EP400: variants seen among roughly 807,000 people sequenced by gnomAD.
EP400 encodes the protein E1A binding protein p400, also known as E1A-binding protein p400.
Under a neutral mutation model 354.1 loss-of-function variants are expected in EP400, and 105 were observed. The observed-to-expected ratio is 0.30, with a 90% CI of 0.25 to 0.35. EP400 has a LOEUF of 0.35. Among genes scored for constraint, EP400 ranks in the 10% least tolerant of loss-of-function variants. EP400 has a pLI of 1.00. For synonymous variants in EP400, 1,646 were observed against 1,716.9 expected (o/e 0.96, Z 1.02); for missense variants, 3,280 against 4,121.0 (o/e 0.80, Z 5.59).
At chr12:132,048,814 T>A (rs973657466) in intron 39 of EP400, among the ~76,000 whole-genome samples, 1 of 152,134 alleles carries the variant, frequency 6.6e-6, no homozygotes, top group African/African-American at 2.4e-5. Context: ...CCTCCCAAAG[T>A]GTTGGGATTA....
At chr12:131,954,441 T>C (rs574817391) in intron 1 of EP400, among the ~76,000 whole-genome samples, 1 of 151,462 alleles carries the variant, frequency 6.6e-6, no homozygotes, top group Non-Finnish European at 1.5e-5. Flanking sequence ...ATACAAAAAT[T>C]TGGCTGGGCG....
chr12:132,054,968 A>T lies in EP400; in HGVS notation c.7729-6A>T, dbSNP rs754657771. On this transcript the variant is annotated splice_region_variant and splice_polypyrimidine_tract_variant and intron_variant, in intron 43 of 52. Transcript: ENST00000389561. This position sits in a 1 kb window ranked among gnomAD's most constrained non-coding sequence, Gnocchi z 4.0. Reference sequence around the variant, plus strand: ...AAATTCAAATGGATTTTTTTTTTTTAAATAGGCAGGAACCATTAAAACATC... The same window carrying T: ...AAATTCAAATGGATTTTTTTTTTTTTAATAGGCAGGAACCATTAAAACATC... 4.1e-5 allele frequency: 65 copies of T among 1,601,636 alleles called. No individual in the cohort carries two copies. The East Asian group carries it at 1.1e-3, about 27-fold the overall frequency.
At chr12:131,991,289 A>G (rs1479217427) in intron 9 of EP400, 118 bp from the exon 10 acceptor site, 5 of 929,366 alleles carry the variant, frequency 5.4e-6, no homozygotes, top group Non-Finnish European at 8.8e-6. Flanking sequence ...GGCAGAACTC[A>G]CGCGTCCTTC....
At chr12:131,987,564 A>T in intron 6 of EP400, 141 bp from the exon 7 acceptor site, 1 of 666,226 alleles carries the variant, frequency 1.5e-6, no homozygotes, top group Non-Finnish European at 2.4e-6. Flanking sequence ...CTTTGATATT[A>T]AACTGGGACC....
rs1304238186 is a variant in EP400, at chr12:132,030,039, C to T, written c.5635C>T (p.Arg1879Cys). 8.1e-6 allele frequency: 13 copies of T among 1,614,178 alleles called. No homozygotes were observed. Among genetic ancestry groups the T allele is most frequent in the Admixed American group, 1.7e-5 (1 of 60,028 alleles). ...ILLQKLKSEG[R>C]RVLILSQMIL... is the part of the protein sequence containing the mutation. The stretch of plus-strand genomic sequence containing the variant: ...GCTTCAGAAATTGAAATCTGAAGGA[C>T]GTCGGGTGCTGATTTTATCACAGAT... Residue 1879 changes from arginine (R) to cysteine (C), a missense_variant, in exon 29 of 53, where the codon CGT becomes TGT. By Grantham distance (180) the Arg-to-Cys change is radical (BLOSUM62 -3). Coordinates refer to ENST00000389561, the MANE Select transcript of EP400 (RefSeq NM_015409.5).
intron 30 of EP400, 67 bp downstream of exon 30, chr12:132,032,216 G>A (rs1002685098): frequency 6.0e-6 from 9 of 1,491,668 alleles, no homozygotes; most frequent in African/African-American, 2.8e-5. Context: ...GAGGGCCTGC[G>A]GGGATGGCCG....
rs372654545 is a variant in EP400 at position 132,064,890 on chromosome 12, A to C, written c.8553+4A>C. 9.7e-5 allele frequency: 156 copies of C among 1,600,330 alleles called. No individual in the cohort carries two copies. The highest frequency in any genetic ancestry group is 1.3e-4 in the Non-Finnish European group (154 of 1,174,066). On this transcript the variant is annotated splice_donor_region_variant and intron_variant, in intron 48 of 52. Coordinates refer to ENST00000389561, the MANE Select transcript of EP400 (RefSeq NM_015409.5). ...CAACCTCCAGGTGGCCCGGCTCGTA[A>C]GTGTCAGTTTCTGTTTGTTTTCCAA...
chr12:132,073,129 T>C (rs1896112904), intron 51 of EP400, among the ~76,000 whole-genome samples: 1 of 152,186 alleles, frequency 6.6e-6, no homozygotes, highest in Non-Finnish European at 1.5e-5. Context: ...AGGTTGGGTA[T>C]ATTTGAATTT....
rs757502359 is a variant in EP400, at chr12:132,053,230, C to T, written c.7473+6C>T. On this transcript the variant is annotated splice_donor_region_variant and intron_variant, in intron 42 of 52. Transcript: ENST00000389561. Reference sequence around the variant, plus strand: ...GAATCGCAAAAGAGAAAAAGGTCAGCGCCCTGGGCCCTTCTGCTTGAGTGG... The same window carrying T: ...GAATCGCAAAAGAGAAAAAGGTCAGTGCCCTGGGCCCTTCTGCTTGAGTGG... 6.8e-6 allele frequency: 11 copies of T among 1,613,510 alleles called. No individual in the cohort carries two copies. Among genetic ancestry groups the T allele is most frequent in the Admixed American group, 5.0e-5 (3 of 59,996 alleles).
intron 1 of EP400, 102 bp from the exon 2 acceptor site, chr12:131,960,483 G>A: frequency 9.0e-7 from 1 of 1,116,248 alleles, no homozygotes; most frequent in South Asian, 1.6e-5. Flanking sequence ...TGAATCAGAT[G>A]CGGTGGGAAT....
chr12:132,005,723 G>A (rs1173543514), intron 13 of EP400, among the ~76,000 whole-genome samples: 1 of 151,492 alleles, frequency 6.6e-6, no homozygotes, highest in Non-Finnish European at 1.5e-5. Context: ...GTCTCCTCCC[G>A]GTTTCCCACA....
intron 3 of EP400, among the ~76,000 whole-genome samples, chr12:131,980,897 T>A (rs191887315): frequency 6.6e-6 from 1 of 152,338 alleles, no homozygotes; most frequent in Admixed American, 6.5e-5. Flanking sequence ...ATGAAATTGC[T>A]AGATCAAAGC....
rs545489043 is a variant in EP400 at position 131,976,031 on chromosome 12, C to T, written c.1336-3663C>T. ...TTTTCACATCTCCACACTGATGTTA[C>T]GCCTATCCAATGAATTTTTTTTTAT... On this transcript the variant is annotated intron_variant, in intron 2 of 52. Transcript: ENST00000389561. Among the ~76,000 whole-genome samples, 50 of 152,236 alleles carry T rather than the reference C, an allele frequency of 3.3e-4. 1 individual carries two copies. The South Asian group carries it at 8.9e-3, about 27-fold the overall frequency.
intron 45 of EP400, among the ~76,000 whole-genome samples, chr12:132,058,413 G>C (rs1046233420): frequency 6.7e-6 from 1 of 148,460 alleles, no homozygotes; most frequent in African/African-American, 2.5e-5. Flanking sequence ...AAAGTGCAGT[G>C]GTGCGATCTC....
intron 12 of EP400, among the ~76,000 whole-genome samples, chr12:131,999,882 C>T (rs538985401): frequency 4.9e-4 from 74 of 151,804 alleles, no homozygotes; most frequent in African/African-American, 1.5e-3. Context: ...ACAGTGTTTC[C>T]GATCTTGGCT....
chr12:132,059,489 C>T (rs548561812), intron 45 of EP400, among the ~76,000 whole-genome samples: 1 of 152,258 alleles, frequency 6.6e-6, no homozygotes, highest in East Asian at 1.9e-4. Flanking sequence ...TGGGCATGTT[C>T]CTGGGCAGCT....
intron 2 of EP400, among the ~76,000 whole-genome samples, chr12:131,966,903 C>CA (rs1179689543): frequency 0.2 from 11,503 of 57,288 alleles, 1,116 homozygotes; most frequent in Middle Eastern, 0.28. Context: ...AGACTTGTCT[C>CA]AAAAAAAAAA....
intron 50 of EP400, 156 bp from the exon 51 acceptor site, chr12:132,069,339 G>A: frequency 9.5e-7 from 1 of 1,049,860 alleles, no homozygotes; most frequent in South Asian, 1.7e-5. Flanking sequence ...GCAGGGATGG[G>A]ACAGGGGGCA....
intron 30 of EP400, 132 bp downstream of exon 30, chr12:132,032,281 T>A: frequency 1.0e-6 from 1 of 1,002,272 alleles, no homozygotes; most frequent in Non-Finnish European, 1.4e-6. Flanking sequence ...CAAGAAGCAC[T>A]AATGCAGAAA....
Sources: allele counts gnomAD v4.1 joint callset (sites outside exome capture counted in the v4.1 genomes callset), GRCh38; gene constraint gnomAD v4.1.1; non-coding constraint Gnocchi (gnomAD v3.1); transcripts MANE v1.5; gene names NCBI Gene and HGNC (gene_info 2026-07-23, HGNC 2026-07-21).